Variants in PRPSAP2 observed in about 807,000 individuals in gnomAD.
The protein encoded by PRPSAP2 is phosphoribosyl pyrophosphate synthetase associated protein 2, also known as phosphoribosyl pyrophosphate synthase-associated protein 2.
Under a neutral mutation model 40.6 loss-of-function variants are expected in PRPSAP2, and 24 were observed. The ratio of observed to expected loss-of-function variants is 0.59; its 90% CI spans 0.43 to 0.83. The LOEUF is 0.83. PRPSAP2 is among the 40% of genes least tolerant of loss of function. PRPSAP2 has a pLI of 0.00. For missense variants in PRPSAP2, 292 were observed against 465.6 expected (o/e 0.63, Z 3.43); for synonymous variants, 149 against 164.7 (o/e 0.90, Z 0.73).
At chr17:18,880,616 C>T (rs2038662180) in intron 6 of PRPSAP2, among the ~76,000 whole-genome samples, 1 of 152,042 alleles carries the variant, frequency 6.6e-6, no homozygotes, top group Admixed American at 6.6e-5. Context: ...ACCATGTGGC[C>T]CAGGCCATTT....
intron 1 of PRPSAP2, among the ~76,000 whole-genome samples, chr17:18,859,073 CTG>C (rs1384130380): frequency 7.4e-4 from 113 of 151,938 alleles, no homozygotes; most frequent in Non-Finnish European, 4.4e-5. Flanking sequence ...AATTTCTATT[CTG>C]TGTTTTACTT....
chr17:18,881,354 C>T (rs1414938564), intron 6 of PRPSAP2, among the ~76,000 whole-genome samples: 1 of 151,808 alleles, frequency 6.6e-6, no homozygotes, highest in African/African-American at 2.4e-5. Context: ...TCTCCTGCCT[C>T]AGCCTCCCGA....
rs543901260 is a variant in PRPSAP2, at chr17:18,930,891, A to G, written c.*193A>G. On this transcript the variant is annotated 3_prime_UTR_variant, in exon 12 of 12. Coordinates refer to ENST00000268835, the MANE Select transcript of PRPSAP2 (RefSeq NM_002767.4). ...TTTGTGAGTTTGGGGAGCAATTTTT[A>G]TAAAAGAAAAACTTTATTCTCCTCT... 3 of 415,196 alleles carry G rather than the reference A, an allele frequency of 7.2e-6. No homozygotes were observed. The South Asian group carries it at 3.3e-4, about 45-fold the overall frequency. 25.7% of individuals were successfully genotyped at this position (415,196 alleles called of 1,614,324 possible).
chr17:18,897,755 G>T (rs1457503690), intron 8 of PRPSAP2, among the ~76,000 whole-genome samples: 1 of 151,318 alleles, frequency 6.6e-6, no homozygotes, highest in Admixed American at 6.6e-5. Flanking sequence ...GAGCCACCAC[G>T]CCCGGCCCTC....
At chr17:18,899,662 G>A (rs1489336769) in intron 8 of PRPSAP2, among the ~76,000 whole-genome samples, 1 of 150,392 alleles carries the variant, frequency 6.6e-6, no homozygotes, top group South Asian at 2.1e-4. Context: ...CCAAGAAGCT[G>A]GGACTACAGG....
intron 7 of PRPSAP2, among the ~76,000 whole-genome samples, chr17:18,886,929 CTTTTTTTTTT>C (rs71155365): frequency 1.7e-4 from 13 of 75,372 alleles, no homozygotes; most frequent in Non-Finnish European, 2.6e-4. Flanking sequence ...TTCTTTTCTT[CTTTTTTTTTT>C]TTTTTTTTTT....
chr17:18,908,540 AGGGACAAGACCC>A, intron 8 of PRPSAP2: 1 of 751,230 alleles, frequency 1.3e-6, no homozygotes, highest in African/African-American at 1.7e-5. Context: ...CCTCATGCGG[AGGGACAAGACCC>A]TGAAGATCTG....
intron 1 of PRPSAP2, among the ~76,000 whole-genome samples, chr17:18,860,299 G>A (rs888309375): frequency 6.6e-5 from 10 of 152,044 alleles, no homozygotes; most frequent in African/African-American, 2.2e-4. Context: ...CAGGTGATCC[G>A]TCCACCTTGG....
chr17:18,926,297 C>T (rs969539773), intron 10 of PRPSAP2, among the ~76,000 whole-genome samples: 73 of 150,240 alleles, frequency 4.9e-4, no homozygotes, highest in African/African-American at 1.6e-3. Context: ...GACAAAGTCT[C>T]GCTCTGTCAC....
intron 5 of PRPSAP2, 36 bp downstream of exon 5, chr17:18,872,685 C>T: frequency 1.3e-6 from 2 of 1,505,508 alleles, no homozygotes; most frequent in Non-Finnish European, 1.8e-6. Context: ...TTCTGGGTTT[C>T]AGTTTAGGCA....
At chr17:18,871,653 C>CTTTTTTT (rs142523345) in intron 4 of PRPSAP2, among the ~76,000 whole-genome samples, 14 of 129,778 alleles carry the variant, frequency 1.1e-4, no homozygotes, top group African/African-American at 1.4e-4. Context: ...ATATAATTTT[C>CTTTTTTT]TTTTTTTTTT....
chr17:18,923,220 G>A (rs2041791981), intron 9 of PRPSAP2, among the ~76,000 whole-genome samples: 1 of 148,784 alleles, frequency 6.7e-6, no homozygotes, highest in Non-Finnish European at 1.5e-5. Context: ...CTCCCAAGTA[G>A]CTGGGACTAC....
chr17:18,918,475 C>T (rs2041491849), intron 9 of PRPSAP2, among the ~76,000 whole-genome samples: 2 of 152,176 alleles, frequency 1.3e-5, no homozygotes, highest in Non-Finnish European at 2.9e-5. Flanking sequence ...CCAGGAGGCC[C>T]CTGGAGGGAA....
intron 4 of PRPSAP2, among the ~76,000 whole-genome samples, chr17:18,870,483 A>G (rs1161210952): frequency 6.6e-6 from 1 of 151,992 alleles, no homozygotes; most frequent in Non-Finnish European, 1.5e-5. Context: ...CTTTCACCTA[A>G]ATAAATATGA....
intron 8 of PRPSAP2, among the ~76,000 whole-genome samples, chr17:18,890,719 C>CA (rs2039491051): frequency 6.6e-6 from 1 of 152,212 alleles, no homozygotes; most frequent in South Asian, 2.1e-4. Context: ...CTGGCGTTTA[C>CA]AGTACTGGCG....
intron 6 of PRPSAP2, among the ~76,000 whole-genome samples, chr17:18,880,116 T>A (rs1474696095): frequency 2.0e-5 from 3 of 151,656 alleles, no homozygotes; most frequent in Admixed American, 2.0e-4. Context: ...AAAATAAAAT[T>A]AAAAACTCAA....
intron 9 of PRPSAP2, among the ~76,000 whole-genome samples, chr17:18,915,822 A>G (rs1192242874): frequency 9.0e-5 from 13 of 144,206 alleles, no homozygotes; most frequent in African/African-American, 2.3e-4. Context: ...CTGGGGATCA[A>G]TTTTTTTTTT....
intron 10 of PRPSAP2, 137 bp from the exon 11 acceptor site, chr17:18,928,674 C>A: frequency 9.0e-7 from 1 of 1,113,720 alleles, no homozygotes; most frequent in Non-Finnish European, 1.3e-6. Context: ...GACATGGGGC[C>A]ATGCCGTCTG....
chr17:18,930,939 T>G lies in PRPSAP2; in HGVS notation c.*241T>G. On this transcript the variant is annotated 3_prime_UTR_variant, in exon 12 of 12. Coordinates refer to ENST00000268835, the MANE Select transcript of PRPSAP2 (RefSeq NM_002767.4). ...TCTTTTGAAAAGGTAAGACCTCGTT[T>G]TAGTTGTAACTGTTTAAAAAATAAC... 1 of 315,486 alleles carries G rather than the reference T, an allele frequency of 3.2e-6. No homozygotes were observed. Among genetic ancestry groups the G allele is most frequent in the East Asian group, 5.2e-5 (1 of 19,302 alleles). 19.5% of individuals were successfully genotyped at this position (315,486 alleles called of 1,614,324 possible).
Sources: allele counts gnomAD v4.1 joint callset (sites outside exome capture counted in the v4.1 genomes callset), GRCh38; gene constraint gnomAD v4.1.1; transcripts MANE v1.5; gene names NCBI Gene and HGNC (gene_info 2026-07-23, HGNC 2026-07-21).